Variants in PAPPA observed in about 807,000 individuals in gnomAD.
The protein encoded by PAPPA is pappalysin-1.
Under a neutral mutation model 164.0 loss-of-function variants are expected in PAPPA, and 60 were observed. The observed-to-expected ratio is 0.37, with a 90% CI of 0.30 to 0.45. The LOEUF (loss-of-function observed/expected upper bound fraction) is 0.45. Among genes scored for constraint, PAPPA ranks in the 20% least tolerant of loss-of-function variants. PAPPA has a pLI of 1.00. For synonymous variants in PAPPA, 875 were observed against 814.1 expected (o/e 1.07, Z -1.27); for missense variants, 1,782 against 2,087.3 (o/e 0.85, Z 2.85).
intron 10 of PAPPA, among the ~76,000 whole-genome samples, chr9:116,307,754 G>A (rs1448046486): frequency 1.3e-5 from 2 of 152,112 alleles, no homozygotes; most frequent in African/African-American, 4.8e-5. Flanking sequence ...GGCCGTTAAT[G>A]AGGTGAAGTA....
chr9:116,382,522 G>T, intron 21 of PAPPA, 29 bp downstream of exon 21: 1 of 1,368,250 alleles, frequency 7.3e-7, no homozygotes, highest in Non-Finnish European at 1.0e-6. Context: ...CTCGGCAGCT[G>T]CCTCCTGCCC....
In PAPPA at chr9:116,187,407, A is replaced by C; in HGVS notation, c.669A>C (p.Gln223His). 6.2e-7 allele frequency: 1 copy of C among 1,614,112 alleles called. No homozygotes were observed. Among genetic ancestry groups the C allele is most frequent in the Non-Finnish European group, 8.5e-7 (1 of 1,180,018 alleles). The part of the protein sequence containing the change: ...NGAQVATSGE[Q>H]VGGIFSPLTQ... ...CCCAGGTGGCCACCTCTGGGGAACA[A>C]GTGGGTGGCATATTCAGCCCACTGA... Residue 223 changes from glutamine to histidine, a missense_variant, in exon 2 of 22, where the codon CAA (glutamine) becomes CAC (histidine). Physicochemically the swap from Gln to His is conservative, Grantham distance 24. This residue lies in a region of PAPPA where 458 missense variants were observed against 430.3 expected (regional missense o/e 1.06). Transcript: ENST00000328252. The surrounding 1 kb of genome is among the most constrained non-coding windows in gnomAD (Gnocchi z 4.2).
chr9:116,335,097 G>A (rs1846044968), intron 13 of PAPPA, 23 bp downstream of exon 13: 7 of 1,586,374 alleles, frequency 4.4e-6, no homozygotes, highest in East Asian at 2.2e-5. Context: ...CGGCAGACTC[G>A]CCCTAGGCCA....
intron 8 of PAPPA, among the ~76,000 whole-genome samples, chr9:116,267,118 A>T (rs1160944313): frequency 2.0e-5 from 3 of 152,360 alleles, no homozygotes; most frequent in African/African-American, 7.2e-5. Flanking sequence ...TGTGTAGAAC[A>T]TGAATCAACT....
At chr9:116,236,088 G>A (rs1446394147) in intron 7 of PAPPA, among the ~76,000 whole-genome samples, 3 of 152,118 alleles carry the variant, frequency 2.0e-5, no homozygotes, top group Non-Finnish European at 2.9e-5. Flanking sequence ...TAGATTGGGT[G>A]GGGGTTGGGC....
At chr9:116,298,616 A>G (rs1402505656) in intron 9 of PAPPA, among the ~76,000 whole-genome samples, 1 of 152,232 alleles carries the variant, frequency 6.6e-6, no homozygotes, top group African/African-American at 2.4e-5. Context: ...CAAAGGGTAC[A>G]GAGTTTAAAC....
intron 2 of PAPPA, among the ~76,000 whole-genome samples, chr9:116,206,890 C>T (rs1302545599): frequency 6.6e-6 from 1 of 152,090 alleles, no homozygotes; most frequent in African/African-American, 2.4e-5. Context: ...TGGGATAATG[C>T]ACCGTACAGG....
chr9:116,324,935 G>C (rs563171979), intron 10 of PAPPA, among the ~76,000 whole-genome samples: 26 of 152,328 alleles, frequency 1.7e-4, no homozygotes, highest in African/African-American at 5.8e-4. Context: ...TCAAGGGAAG[G>C]TTCCATCCTG....
At chr9:116,295,215 G>T (rs1004172605) in intron 9 of PAPPA, among the ~76,000 whole-genome samples, 43 of 152,072 alleles carry the variant, frequency 2.8e-4, no homozygotes, top group African/African-American at 1.0e-3. Context: ...GTAATATTGA[G>T]ACTTACTTAA....
At chr9:116,273,039 C>T (rs1176919691) in intron 9 of PAPPA, among the ~76,000 whole-genome samples, 2 of 152,128 alleles carry the variant, frequency 1.3e-5, no homozygotes, top group Non-Finnish European at 2.9e-5. Flanking sequence ...TTACCTTTGT[C>T]GTCATCCTTA....
rs1333065640 is a variant in PAPPA at position 116,154,018 on chromosome 9, A to G, written c.-155A>G. The G allele has an allele frequency of 2.1e-6, 2 of 957,358 alleles. No individual in the cohort carries two copies. Among genetic ancestry groups the G allele is most frequent in the Non-Finnish European group, 2.7e-6 (2 of 749,734 alleles). 59.3% of individuals were successfully genotyped at this position (957,358 alleles called of 1,614,324 possible). On this transcript the variant is annotated 5_prime_UTR_variant, in exon 1 of 22. Coordinates refer to ENST00000328252, the MANE Select transcript of PAPPA (RefSeq NM_002581.5). This position sits in a 1 kb window ranked among gnomAD's most constrained non-coding sequence, Gnocchi z 5.2. The stretch of plus-strand genomic sequence containing the variant: ...GGAGAGTGGAGCACACACCTTGAGG[A>G]GGAAAGCGAGAAAGAAAAGAAAAAA...
At chr9:116,214,389 A>C (rs1587955383) in intron 4 of PAPPA, among the ~76,000 whole-genome samples, 2 of 152,212 alleles carry the variant, frequency 1.3e-5, no homozygotes, top group African/African-American at 4.8e-5. Flanking sequence ...TTACAGATGC[A>C]GAAAATGTGG....
intron 9 of PAPPA, among the ~76,000 whole-genome samples, chr9:116,295,781 C>G (rs888723602): frequency 6.6e-6 from 1 of 152,126 alleles, no homozygotes; most frequent in Admixed American, 6.6e-5. Flanking sequence ...TATTTATACC[C>G]TCTAAGATGT....
chr9:116,270,811 C>T (rs1434763114), intron 8 of PAPPA, among the ~76,000 whole-genome samples: 1 of 151,702 alleles, frequency 6.6e-6, no homozygotes, highest in African/African-American at 2.4e-5. Context: ...GCAAAACTTT[C>T]CAATGGAAGG....
At chr9:116,163,224 AT>A (rs1843688369) in intron 1 of PAPPA, among the ~76,000 whole-genome samples, 1 of 152,212 alleles carries the variant, frequency 6.6e-6, no homozygotes, top group Non-Finnish European at 1.5e-5. Flanking sequence ...TATATATCCC[AT>A]AATGTCAGGT....
intron 3 of PAPPA, among the ~76,000 whole-genome samples, chr9:116,208,601 A>G (rs868790050): frequency 6.6e-6 from 1 of 152,186 alleles, no homozygotes; most frequent in African/African-American, 2.4e-5. Flanking sequence ...GACTCAGTGA[A>G]CATCTTTATC....
chr9:116,291,516 G>T (rs980877835), intron 9 of PAPPA, among the ~76,000 whole-genome samples: 2 of 152,126 alleles, frequency 1.3e-5, no homozygotes, highest in Non-Finnish European at 2.9e-5. Flanking sequence ...ATTGATAACA[G>T]AGATTCTAAA....
At chr9:116,251,671 G>A (rs2118781042) in intron 7 of PAPPA, among the ~76,000 whole-genome samples, 1 of 152,296 alleles carries the variant, frequency 6.6e-6, no homozygotes, top group African/African-American at 2.4e-5. Flanking sequence ...TTGGTGACTG[G>A]TCAGCTTGTC....
intron 6 of PAPPA, among the ~76,000 whole-genome samples, chr9:116,232,500 T>C (rs1844611058): frequency 6.6e-6 from 1 of 152,342 alleles, no homozygotes; most frequent in South Asian, 2.1e-4. Context: ...GCACGCTGCC[T>C]GGACCAACAA....
Sources: gnomAD v4.1 joint callset for allele counts (sites outside exome capture counted in the v4.1 genomes callset) on GRCh38, gnomAD v4.1.1 for gene constraint, gnomAD v4.1.1 regional missense constraint, Gnocchi (gnomAD v3.1) non-coding constraint, MANE v1.5 for transcripts, NCBI Gene and HGNC (gene_info 2026-07-23, HGNC 2026-07-21) for gene names.